Variants in EPG5 observed in about 807,000 individuals in gnomAD.
EPG5 encodes the protein ectopic P-granules 5 autophagy tethering factor.
Under a neutral mutation model 302.7 loss-of-function variants are expected in EPG5, and 159 were observed. That is an observed-to-expected ratio of 0.53 (90% confidence interval 0.46 to 0.60). The LOEUF is 0.60. Ranked by LOEUF, EPG5 falls within the 20% of genes least tolerant of loss-of-function variation. EPG5 has a pLI of 0.00. For synonymous variants in EPG5, 1,158 were observed against 1,136.8 expected, an observed-to-expected ratio of 1.02 and a Z score of -0.37; for missense variants, 2,896 against 3,092.4, an observed-to-expected ratio of 0.94 and a Z score of 1.51.
chr18:45,943,023 G>A (rs1283983630), intron 9 of EPG5, 138 bp downstream of exon 9: 1 of 790,990 alleles, frequency 1.3e-6, no homozygotes, highest in Admixed American at 2.6e-5. Flanking sequence ...CTTATAGATG[G>A]TGAAGAAAAA....
chr18:45,967,168 G>C lies in EPG5; in HGVS notation c.63+9C>G, dbSNP rs781732575. 6.3e-7 allele frequency: 1 copy of C among 1,593,006 alleles called. No individual in the cohort carries two copies. The highest frequency in any genetic ancestry group is 1.4e-5 in the African/African-American group (1 of 74,014). Reference sequence around the variant, plus strand: ...GCCAGAGCCTCGGGAGGGTGGGGGAGATCCTCACCTTTGTTTTAGTCCGGC... The same window carrying C: ...GCCAGAGCCTCGGGAGGGTGGGGGACATCCTCACCTTTGTTTTAGTCCGGC... On this transcript the variant is annotated intron_variant, in intron 1 of 43. Coordinates refer to ENST00000282041, the MANE Select transcript of EPG5 (RefSeq NM_020964.3).
At chr18:45,860,960 C>T (rs2048622473) in intron 39 of EPG5, among the ~76,000 whole-genome samples, 2 of 151,996 alleles carry the variant, frequency 1.3e-5, no homozygotes, top group African/African-American at 2.4e-5. Context: ...AGAAAAAGAA[C>T]GAATTCATTT....
chr18:45,943,929 AAAG>A (rs2050730031), intron 8 of EPG5, 73 bp downstream of exon 8: 1 of 961,670 alleles, frequency 1.0e-6, no homozygotes, highest in South Asian at 1.4e-5. Flanking sequence ...TCAAAAAAAA[AAAG>A]AAGACTCAAT....
At chr18:45,895,150 G>A (rs1472980140) in intron 27 of EPG5, among the ~76,000 whole-genome samples, 1 of 152,174 alleles carries the variant, frequency 6.6e-6, no homozygotes, top group East Asian at 1.9e-4. Flanking sequence ...ATGAAGTAGG[G>A]TAGGGTAACT....
Position 45,952,586 on chromosome 18 carries a change from T to C in EPG5, c.1066A>G (p.Met356Val), listed in dbSNP as rs746219623. ...AGCTCCACCAGTGCATTTTCATTCATTTCTACTCTTTGGTAGCGATGATAG... is the reference window on the plus strand; with the variant it reads ...AGCTCCACCAGTGCATTTTCATTCACTTCTACTCTTTGGTAGCGATGATAG... ...FSYHRYQRVEMNENALVELKK... is the reference protein window; with the variant it reads ...FSYHRYQRVEVNENALVELKK... The change falls in exon 3 of 44, where the codon ATG becomes GTG. Residue 356 changes from methionine (M) to valine (V), a missense_variant. Physicochemically the swap from Met to Val is conservative, Grantham distance 21. Coordinates refer to ENST00000282041, the MANE Select transcript of EPG5 (RefSeq NM_020964.3). 6.8e-6 allele frequency: 11 copies of C among 1,614,072 alleles called. No individual in the cohort carries two copies. The highest frequency in any genetic ancestry group is 9.3e-6 in the Non-Finnish European group (11 of 1,180,032).
At chr18:45,908,208 G>T in intron 23 of EPG5, 127 bp from the exon 24 acceptor site, 1 of 690,268 alleles carries the variant, frequency 1.4e-6, no homozygotes, top group Non-Finnish European at 2.2e-6. Context: ...AGAAAATGTG[G>T]CCAACAACCA....
At position 45,882,223 on chromosome 18, in the gene EPG5, A is replaced by C. The variant is rs1388602752; in HGVS notation, c.5518+51T>G. 3 of 1,409,274 alleles carry C rather than the reference A, an allele frequency of 2.1e-6. No homozygotes were observed. The South Asian group carries it at 3.5e-5, about 16-fold the overall frequency. 87.3% of individuals were successfully genotyped at this position (1,409,274 alleles called of 1,614,324 possible). A position where few individuals can be genotyped will look rare whatever the true frequency, so the allele number is the denominator to read the frequency against. ...ACATCTGTAAGATGAAAAATGTGATATTAAATATTCACTAAGATCTAGTTA... is the reference window on the plus strand; with the variant it reads ...ACATCTGTAAGATGAAAAATGTGATCTTAAATATTCACTAAGATCTAGTTA... On this transcript the variant is annotated intron_variant, in intron 31 of 43. Transcript: ENST00000282041.
At chr18:45,922,693 C>A in intron 15 of EPG5, 93 bp from the exon 16 acceptor site, 1 of 1,420,054 alleles carries the variant, frequency 7.0e-7, no homozygotes, top group South Asian at 1.3e-5. Context: ...CAACAATGCC[C>A]TCAACGCAGA....
rs1195446026 is a variant in EPG5, at chr18:45,952,643, C to T, written c.1009G>A (p.Gly337Ser). 6.2e-6 allele frequency: 10 copies of T among 1,613,274 alleles called. No individual in the cohort carries two copies. The African/African-American group carries it at 9.4e-5, about 15-fold the overall frequency. Residue 337 changes from glycine to serine, a missense_variant and splice_region_variant, in exon 3 of 44, where the codon GGT becomes AGT. By Grantham distance (56) the Gly-to-Ser change is moderately conservative (BLOSUM62 0). Coordinates refer to ENST00000282041, the MANE Select transcript of EPG5 (RefSeq NM_020964.3). ...QFKEEQMSVQ[G>S]ICADQVKVFS... is the part of the protein sequence containing the mutation. ...ACTTTCACTTGATCTGCACAGATAC[C>T]CTACCAGAGGACAAAAAGGTACAAT...
Position 45,946,688 on chromosome 18 carries a change from G to C in EPG5, c.1652C>G (p.Thr551Arg). Residue 551 changes from threonine to arginine, a missense_variant, in exon 7 of 44, where the codon ACG (threonine) becomes AGG (arginine). Physicochemically the swap from Thr to Arg is moderately conservative, Grantham distance 71. This residue lies in a region of EPG5 where 1,390 missense variants were observed against 1,430.0 expected (regional missense o/e 0.97). Coordinates refer to ENST00000282041, the MANE Select transcript of EPG5 (RefSeq NM_020964.3). ...CTCTTCTCCTCCTTCGTCTACTAGC[G>C]TCCAAGTCCCAGACCCAGGCCCTGA... ...SSSGPGSGTW[T>R]LVDEGGEEDE... 1 of 1,614,022 alleles carries C rather than the reference G, an allele frequency of 6.2e-7. No homozygotes were observed. Among genetic ancestry groups the C allele is most frequent in the South Asian group, 1.1e-5 (1 of 91,070 alleles).
At chr18:45,823,587 A>G in the EPG5 span, among the ~76,000 whole-genome samples, 5 of 152,226 alleles carry the variant, frequency 3.3e-5, no homozygotes, top group Admixed American at 1.3e-4. Flanking sequence ...AGTGTTAGCA[A>G]GTTTCAAGTA....
At chr18:45,881,014 G>A (rs1473699908) in intron 31 of EPG5, among the ~76,000 whole-genome samples, 1 of 152,170 alleles carries the variant, frequency 6.6e-6, no homozygotes, top group Non-Finnish European at 1.5e-5. Context: ...AGGTGGCAGT[G>A]ACATCAGGGA....
At position 45,867,602 on chromosome 18, in the gene EPG5, C is replaced by T. The variant is rs537052000; in HGVS notation, c.6372G>A (p.Met2124Ile). 117 of 1,614,042 alleles carry T rather than the reference C, an allele frequency of 7.2e-5. 1 individual carries two copies. The East Asian group carries it at 2.3e-3, about 32-fold the overall frequency. Residue 2124 changes from methionine to isoleucine, a missense_variant, in exon 37 of 44, where the codon ATG becomes ATA. Coordinates refer to ENST00000282041, the MANE Select transcript of EPG5 (RefSeq NM_020964.3). ...RSMIVCLLFMMILLAKEVQLV... is the reference protein window; with the variant it reads ...RSMIVCLLFMIILLAKEVQLV... ...GTTGAACTTCCTTTGCCAATAAAAT[C>T]ATCATGAAAAGGAGGCAGACAATCA...
At chr18:45,843,985 C>G (rs747095269), downstream of EPG5, 1 of 152,132 alleles carries the variant, frequency 6.6e-6, no homozygotes, top group Non-Finnish European at 1.5e-5. Flanking sequence ...CCCATGTTTA[C>G]TGCAGCACTA....
At chr18:45,881,141 C>T (rs1473124800) in intron 31 of EPG5, among the ~76,000 whole-genome samples, 1 of 152,194 alleles carries the variant, frequency 6.6e-6, no homozygotes, top group Non-Finnish European at 1.5e-5. Context: ...AAGCTCATGA[C>T]ATCTGAGAGG....
chr18:45,892,259 T>C (rs975095221), intron 27 of EPG5, among the ~76,000 whole-genome samples: 1 of 152,238 alleles, frequency 6.6e-6, no homozygotes, highest in Non-Finnish European at 1.5e-5. Flanking sequence ...TATTTTTGTT[T>C]ATTGTTCCCA....
the EPG5 span, chr18:45,837,778 G>A: frequency 3.3e-6 from 5 of 1,523,880 alleles, no homozygotes; most frequent in Non-Finnish European, 4.4e-6. Flanking sequence ...ACGACCTCTC[G>A]CTGCGCGTCG....
Position 45,934,812 on chromosome 18 carries a change from G to C in EPG5, c.2254C>G (p.Gln752Glu). ...CGACTGCTCGGCGGGGCTGTACCTT[G>C]GAGCTGCTGCTTGCACTGGGCGGGC... ...LQPAQCKQQLQDPEHFTNFEK... is the reference protein window; with the variant it reads ...LQPAQCKQQLEDPEHFTNFEK... Residue 752 changes from glutamine to glutamate, a missense_variant, in exon 11 of 44, where the codon CAA (glutamine) becomes GAA (glutamate). Gln to Glu is a conservative substitution (Grantham distance 29). This residue lies in a region of EPG5 where 1,390 missense variants were observed against 1,430.0 expected (regional missense o/e 0.97). Transcript: ENST00000282041. 1 of 1,611,986 alleles carries C rather than the reference G, an allele frequency of 6.2e-7. No homozygotes were observed. Among genetic ancestry groups the C allele is most frequent in the Non-Finnish European group, 8.5e-7 (1 of 1,179,262 alleles).
intron 28 of EPG5, among the ~76,000 whole-genome samples, chr18:45,889,274 G>T (rs566083360): frequency 5.9e-5 from 9 of 152,328 alleles, no homozygotes; most frequent in African/African-American, 2.2e-4. Context: ...AAGCCACAAT[G>T]AAAGCCAAAA....
Sources: allele counts gnomAD v4.1 joint callset (sites outside exome capture counted in the v4.1 genomes callset), GRCh38; gene constraint gnomAD v4.1.1; regional missense constraint gnomAD v4.1.1; transcripts MANE v1.5; gene names NCBI Gene and HGNC (gene_info 2026-07-23, HGNC 2026-07-21).